The following ZNF438 variants were observed in gnomAD, a reference collection of about 807,000 sequenced individuals.
ZNF438 encodes the protein zinc finger protein 438.
Under a neutral mutation model 38.0 loss-of-function variants are expected in ZNF438, and 25 were observed. The ratio of observed to expected loss-of-function variants is 0.66; its 90% CI spans 0.48 to 0.92. The LOEUF (loss-of-function observed/expected upper bound fraction) is 0.92, where lower values mean the gene tolerates loss of function less well. Ranked by LOEUF, ZNF438 falls within the 40% of genes least tolerant of loss-of-function variation. The probability of loss-of-function intolerance (pLI) is 0.00; values close to 1 mark genes in which losing one functional copy is unlikely to be tolerated. For synonymous variants in ZNF438, 372 were observed against 364.1 expected (o/e 1.02, Z -0.25); for missense variants, 1,007 against 999.6 (o/e 1.01, Z -0.10).
chr10:30,906,395 T>C lies in ZNF438; in HGVS notation c.-32+2538A>G, dbSNP rs77760321. On this transcript the variant is annotated intron_variant, in intron 3 of 5. Coordinates refer to ENST00000413025, the Ensembl canonical transcript of ZNF438. ...CCAGATTGTTCCTTGGTAGTGTATA[T>C]AAATACAATTGATCTTTATATTGAT... is the stretch of plus-strand genomic sequence containing the variant. 9.3e-3 allele frequency among the ~76,000 whole-genome samples: 1,413 copies of C among 152,336 alleles called. 22 individuals are homozygous for C. The highest frequency in any genetic ancestry group is 0.033 in the African/African-American group (1,357 of 41,574).
chr10:30,848,486 T>G, intron 5 of ZNF438, 45 bp downstream of exon 6: 1 of 1,560,318 alleles, frequency 6.4e-7, no homozygotes, highest in Non-Finnish European at 8.7e-7. Flanking sequence ...CTTCCCCAAA[T>G]CAAAACAGAC....
chr10:30,934,466 C>T (rs868105131), intron 2 of ZNF438, among the ~76,000 whole-genome samples: 1 of 152,204 alleles, frequency 6.6e-6, no homozygotes, highest in African/African-American at 2.4e-5. Flanking sequence ...TTATTGAGTT[C>T]CCCAAACTTC....
chr10:30,860,416 A>G (rs2035379010), intron 4 of ZNF438, among the ~76,000 whole-genome samples: 1 of 152,224 alleles, frequency 6.6e-6, no homozygotes, highest in Non-Finnish European at 1.5e-5. Context: ...GTCATGTAAC[A>G]CAGCTGATTC....
In ZNF438 at chr10:30,909,030, C is replaced by T. The variant is rs2042837867; in HGVS notation, c.-114-15G>A. ...CTTCAACATACCTAAAAAAAGAAAA[C>T]TGGATTTACAAACTTTTAAGAGAAA... On this transcript the variant is annotated splice_polypyrimidine_tract_variant and intron_variant, in intron 2 of 5. Transcript: ENST00000413025. The T allele has an allele frequency of 6.6e-6, 1 of 152,056 alleles. No individual in the cohort carries two copies. The highest frequency in any genetic ancestry group is 1.5e-5 in the Non-Finnish European group (1 of 67,984). 9.4% of individuals were successfully genotyped at this position (152,056 alleles called of 1,614,324 possible). A position where few individuals can be genotyped will look rare whatever the true frequency, so the allele number is the denominator to read the frequency against.
intron 2 of ZNF438, among the ~76,000 whole-genome samples, chr10:30,926,463 C>T (rs763575483): frequency 4.6e-5 from 7 of 152,022 alleles, no homozygotes; most frequent in Non-Finnish European, 7.4e-5. Flanking sequence ...GTCAGGAGTT[C>T]GAGACTAGCC....
At chr10:30,909,285 C>A (rs989421337) in intron 2 of ZNF438, among the ~76,000 whole-genome samples, 1 of 152,074 alleles carries the variant, frequency 6.6e-6, no homozygotes, top group African/African-American at 2.4e-5. Context: ...CAAAGAAATG[C>A]TTAACTTTTG....
At chr10:30,849,607 T>C in exon 5 of ZNF438, 11 of 1,614,236 alleles carry the variant, frequency 6.8e-6, no homozygotes, top group Non-Finnish European at 9.3e-6. Flanking sequence ...TCATGGTTTT[T>C]GCAAGATCAA....
At chr10:31,018,498 CATA>C (rs1253254313) in intron 1 of ZNF438, among the ~76,000 whole-genome samples, 1 of 152,202 alleles carries the variant, frequency 6.6e-6, no homozygotes, top group East Asian at 1.9e-4. Context: ...TTTGCCACCA[CATA>C]ATAAGGGTCA....
intron 2 of ZNF438, among the ~76,000 whole-genome samples, chr10:30,935,810 C>T (rs1299986458): frequency 1.3e-5 from 2 of 151,998 alleles, no homozygotes; most frequent in Non-Finnish European, 2.9e-5. Context: ...AGGGGAGAGC[C>T]CCTTATAAAA....
At position 30,947,568 on chromosome 10, in the gene ZNF438, C is replaced by T. The variant is rs537799744; in HGVS notation, c.-191-5917G>A. Among the ~76,000 whole-genome samples, 609 of 152,378 alleles carry T rather than the reference C, an allele frequency of 4.0e-3. 5 individuals are homozygous for T. The highest frequency in any genetic ancestry group is 7.3e-3 in the Non-Finnish European group (499 of 68,038). On this transcript the variant is annotated intron_variant, in intron 1 of 5. Coordinates refer to ENST00000413025, the Ensembl canonical transcript of ZNF438. ...TGGGCTCCGCCCAGTTGGAGCTTCC[C>T]GGCTGCTTTGTTTACCTAATCAAGC...
chr10:30,968,434 CTTTTTTTTTTTT>C lies in ZNF438; in HGVS notation c.-191-26795_-191-26784del, dbSNP rs546132410. Among the ~76,000 whole-genome samples, 147 of 103,652 alleles carry C rather than the reference CTTTTTTTTTTTT, an allele frequency of 1.4e-3. 4 individuals are homozygous for C. The South Asian group carries it at 0.041, about 29-fold the overall frequency. 68.0% of individuals were successfully genotyped at this position (103,652 alleles called of 152,430 possible). A position where few individuals can be genotyped will look rare whatever the true frequency, so the allele number is the denominator to read the frequency against. ...CTTAGAGAATTTAACTGAATGTAAACTTTTTTTTTTTTTTTTTTTTTTTTTTGAGACGGAGTT... is the reference window on the plus strand; with the variant it reads ...CTTAGAGAATTTAACTGAATGTAAACTTTTTTTTTTTTTTGAGACGGAGTT... On this transcript the variant is annotated intron_variant, in intron 1 of 5. Coordinates refer to ENST00000413025, the Ensembl canonical transcript of ZNF438.
chr10:30,994,818 C>G (rs1223856286), intron 1 of ZNF438, among the ~76,000 whole-genome samples: 4 of 152,010 alleles, frequency 2.6e-5, no homozygotes, highest in African/African-American at 9.7e-5. Context: ...ATTGCTTGAG[C>G]CCAGGAATTT....
At chr10:30,996,691 T>C (rs1299774183) in intron 1 of ZNF438, among the ~76,000 whole-genome samples, 1 of 151,654 alleles carries the variant, frequency 6.6e-6, no homozygotes, top group African/African-American at 2.4e-5. Context: ...TGAACAACAC[T>C]GTAAGACAGC....
In ZNF438 at chr10:30,993,887, A is replaced by G. The variant is rs189287491; in HGVS notation, c.-192+37946T>C. ...CCCTGCACCCGTGTGCCCATGATGC[A>G]GGACATGGAGTCAAAGGAGATTATT... is the stretch of plus-strand genomic sequence containing the variant. On this transcript the variant is annotated intron_variant, in intron 1 of 5. Coordinates refer to ENST00000413025, the Ensembl canonical transcript of ZNF438. Among the ~76,000 whole-genome samples the G allele has an allele frequency of 2.5e-3, 376 of 152,402 alleles. 1 individual carries two copies. Among genetic ancestry groups the G allele is most frequent in the African/African-American group, 8.5e-3 (353 of 41,606 alleles).
chr10:31,011,947 C>T (rs146977754), intron 1 of ZNF438, among the ~76,000 whole-genome samples: 56 of 152,212 alleles, frequency 3.7e-4, no homozygotes, highest in African/African-American at 1.2e-3. Context: ...ACTCACGCTC[C>T]CCAGTGCCAT....
chr10:31,009,943 A>G (rs2055514716), intron 1 of ZNF438, among the ~76,000 whole-genome samples: 1 of 150,466 alleles, frequency 6.6e-6, no homozygotes, highest in South Asian at 2.1e-4. Flanking sequence ...CCACCTCCCA[A>G]GTTCAAGCGA....
chr10:30,935,120 C>G (rs1422954466), intron 2 of ZNF438, among the ~76,000 whole-genome samples: 1 of 152,174 alleles, frequency 6.6e-6, no homozygotes. Flanking sequence ...GCTTATTATT[C>G]TCACCACAAC....
At chr10:30,993,667 C>T (rs1200050374) in intron 1 of ZNF438, among the ~76,000 whole-genome samples, 2 of 152,258 alleles carry the variant, frequency 1.3e-5, no homozygotes, top group Non-Finnish European at 2.9e-5. Flanking sequence ...AAGGCCGCAG[C>T]AGAGTCCCCA....
intron 2 of ZNF438, among the ~76,000 whole-genome samples, chr10:30,911,054 T>C (rs2043031703): frequency 1.3e-5 from 2 of 152,096 alleles, no homozygotes; most frequent in Non-Finnish European, 2.9e-5. Flanking sequence ...ATTAAATGAA[T>C]CAAACTTTTA....
Sources: allele counts gnomAD v4.1 joint callset (sites outside exome capture counted in the v4.1 genomes callset), GRCh38; gene constraint gnomAD v4.1.1; transcripts MANE v1.5; gene names NCBI Gene and HGNC (gene_info 2026-07-23, HGNC 2026-07-21).